RREB1: variants seen among roughly 807,000 people sequenced by gnomAD.
RREB1 encodes the protein ras-responsive element-binding protein 1.
A neutral mutation model predicts 117.8 loss-of-function variants in RREB1; 27 were observed. The ratio of observed to expected loss-of-function variants is 0.23; its 90% CI spans 0.17 to 0.32. RREB1 has a LOEUF of 0.32. RREB1 is among the 10% of genes least tolerant of loss of function. The pLI, the probability that RREB1 is intolerant of heterozygous loss-of-function variation, is 1.00. For missense variants in RREB1, 2,577 were observed against 2,378.2 expected (o/e 1.08, Z -1.74); for synonymous variants, 1,298 against 1,026.7 (o/e 1.26, Z -5.05).
At chr6:7,191,058 A>G (rs1036875763) in intron 6 of RREB1, among the ~76,000 whole-genome samples, 1 of 152,190 alleles carries the variant, frequency 6.6e-6, no homozygotes, top group African/African-American at 2.4e-5. Flanking sequence ...GACATTTTCT[A>G]TTTTGAGACA....
rs759719996 is a variant in RREB1 at position 7,230,539 on chromosome 6, C to G, written c.2440C>G (p.Leu814Val). 3 of 1,597,292 alleles carry G rather than the reference C, an allele frequency of 1.9e-6. No homozygotes were observed. The highest frequency in any genetic ancestry group is 1.3e-5 in the African/African-American group (1 of 74,804). Residue 814 changes from leucine to valine, a missense_variant, in exon 10 of 13, where the codon CTG becomes GTG. Transcript: ENST00000379938. ...CATCCACCACATCCTCAAGCAGCACCTGCACGTGCCCGAGCAGGACATCGA... is the reference window on the plus strand; with the variant it reads ...CATCCACCACATCCTCAAGCAGCACGTGCACGTGCCCGAGCAGGACATCGA... ...NCIHHILKQH[L>V]HVPEQDIESY...
rs1352889740 is a variant in RREB1, at chr6:7,246,844, G to A, written c.4394G>A (p.Arg1465His). ...TTCAAGTTCCTGGGCACCCTGAGCC[G>A]CCACCGGAAGGCGCACGGCCGCCAG... ...KSFKFLGTLSRHRKAHGRQEP... is the reference protein window; with the variant it reads ...KSFKFLGTLSHHRKAHGRQEP... Residue 1465 changes from arginine to histidine, a missense_variant, in exon 12 of 13, where the codon CGC becomes CAC. Physicochemically the swap from Arg to His is conservative, Grantham distance 29. Coordinates refer to ENST00000379938, the MANE Select transcript of RREB1 (RefSeq NM_001003699.4). 3 of 1,553,108 alleles carry A rather than the reference G, an allele frequency of 1.9e-6. No individual in the cohort carries two copies. The highest frequency in any genetic ancestry group is 1.4e-5 in the African/African-American group (1 of 73,336).
At chr6:7,118,801 A>ATTTTTTTTT (rs70978942) in intron 1 of RREB1, among the ~76,000 whole-genome samples, 1 of 47,054 alleles carries the variant, frequency 2.1e-5, no homozygotes, top group Non-Finnish European at 3.6e-5. Context: ...GTTTTTTTTA[A>ATTTTTTTTT]TTTTTTTTTT....
chr6:7,141,457 G>C (rs1762585161), intron 1 of RREB1, among the ~76,000 whole-genome samples: 1 of 152,068 alleles, frequency 6.6e-6, no homozygotes, highest in Non-Finnish European at 1.5e-5. Context: ...AGTGTGCTTG[G>C]AGCGAACCCG....
chr6:7,201,210 T>C (rs1765958114), intron 6 of RREB1, among the ~76,000 whole-genome samples: 1 of 152,188 alleles, frequency 6.6e-6, no homozygotes, highest in South Asian at 2.1e-4. Context: ...GAACAGGTCC[T>C]GAGTGTGTGT....
intron 6 of RREB1, among the ~76,000 whole-genome samples, chr6:7,194,105 C>T (rs183453404): frequency 6.6e-6 from 1 of 152,282 alleles, no homozygotes; most frequent in African/African-American, 2.4e-5. Context: ...GCCATTTTGA[C>T]TGAATTTTAT....
chr6:7,211,484 G>A, intron 7 of RREB1, 89 bp from the exon 8 acceptor site: 3 of 1,213,128 alleles, frequency 2.5e-6, no homozygotes, highest in South Asian at 1.3e-5. Flanking sequence ...TTTTATTATT[G>A]TAAATCTCTG....
At chr6:7,227,991 C>T (rs1263002117) in intron 9 of RREB1, among the ~76,000 whole-genome samples, 3 of 152,148 alleles carry the variant, frequency 2.0e-5, no homozygotes, top group African/African-American at 7.2e-5. Context: ...CTCTTGAACC[C>T]GGGAGGTGGA....
chr6:7,128,571 G>A (rs1762028802), intron 1 of RREB1, among the ~76,000 whole-genome samples: 1 of 152,206 alleles, frequency 6.6e-6, no homozygotes, highest in Non-Finnish European at 1.5e-5. Context: ...CATGCAGCCA[G>A]TGACACATGA....
intron 8 of RREB1, chr6:7,214,029 G>A (rs1221617791): frequency 2.0e-5 from 3 of 152,426 alleles, no homozygotes; most frequent in Non-Finnish European, 4.4e-5. Flanking sequence ...GAGGGACGAG[G>A]TTCTCCTGGA....
chr6:7,230,231 A>G lies in RREB1; in HGVS notation c.2132A>G (p.Lys711Arg). 1.2e-6 allele frequency: 2 copies of G among 1,603,978 alleles called. No individual in the cohort carries two copies. Among genetic ancestry groups the G allele is most frequent in the East Asian group, 2.2e-5 (1 of 44,842 alleles). The change falls in exon 10 of 13, where the codon AAA (lysine) becomes AGA (arginine). Residue 711 changes from lysine to arginine, a missense_variant. Coordinates refer to ENST00000379938, the MANE Select transcript of RREB1 (RefSeq NM_001003699.4). ...ATCTGCCACTACCCCTTCACTGTCAAAGCCAACTGCGAGCGGCACCTGCGC... is the reference window on the plus strand; with the variant it reads ...ATCTGCCACTACCCCTTCACTGTCAGAGCCAACTGCGAGCGGCACCTGCGC... ...CKICHYPFTV[K>R]ANCERHLRKK...
rs769736395 is a variant in RREB1 at position 7,230,700 on chromosome 6, C to A, written c.2601C>A (p.Asn867Lys). The change falls in exon 10 of 13, where the codon AAC (asparagine) becomes AAA (lysine). Residue 867 changes from asparagine (N) to lysine (K), a missense_variant. Coordinates refer to ENST00000379938, the MANE Select transcript of RREB1 (RefSeq NM_001003699.4). ...TCACTGCCTTCCTGGAACCCCAGAA[C>A]GGCTTTCTTCACAGGGGCCCCACCC... ...KPLTAFLEPQ[N>K]GFLHRGPTQP... The A allele has an allele frequency of 6.3e-7, 1 of 1,593,406 alleles. No individual in the cohort carries two copies. Among genetic ancestry groups the A allele is most frequent in the Non-Finnish European group, 8.6e-7 (1 of 1,169,016 alleles).
intron 1 of RREB1, among the ~76,000 whole-genome samples, chr6:7,161,197 G>A (rs1763644022): frequency 6.6e-6 from 1 of 152,062 alleles, no homozygotes; most frequent in Non-Finnish European, 1.5e-5. Context: ...GGGCAGGGTG[G>A]GGATGACTCA....
intron 7 of RREB1, 137 bp downstream of exon 7, chr6:7,211,085 C>A: frequency 1.2e-6 from 1 of 846,686 alleles, no homozygotes; most frequent in Non-Finnish European, 1.8e-6. Context: ...CATACTGTTT[C>A]TGTAAAGTGT....
intron 1 of RREB1, among the ~76,000 whole-genome samples, chr6:7,126,809 A>G (rs1452959974): frequency 5.3e-5 from 8 of 152,180 alleles, no homozygotes; most frequent in African/African-American, 1.9e-4. Context: ...CCGTTTCTTG[A>G]CACTTGCCCT....
chr6:7,171,939 C>T (rs1764231493), intron 1 of RREB1, among the ~76,000 whole-genome samples: 2 of 151,850 alleles, frequency 1.3e-5, no homozygotes, highest in Middle Eastern at 3.4e-3. Flanking sequence ...AAGAGCCTGA[C>T]CATTAGTCTT....
At chr6:7,179,248 C>T (rs550152271) in intron 2 of RREB1, among the ~76,000 whole-genome samples, 196 of 152,260 alleles carry the variant, frequency 1.3e-3, no homozygotes, top group Non-Finnish European at 2.1e-3. Flanking sequence ...ATTTTTCTTT[C>T]CTTTTTCTAC....
At chr6:7,155,911 A>G (rs1763341337) in intron 1 of RREB1, among the ~76,000 whole-genome samples, 2 of 152,172 alleles carry the variant, frequency 1.3e-5, no homozygotes, top group Admixed American at 1.3e-4. Flanking sequence ...GCAGACTAGA[A>G]CTGAGACAGC....
At chr6:7,152,849 A>G (rs1763184604) in intron 1 of RREB1, among the ~76,000 whole-genome samples, 1 of 152,242 alleles carries the variant, frequency 6.6e-6, no homozygotes, top group Admixed American at 6.5e-5. Flanking sequence ...TTCTAGCAGG[A>G]AATTCCACCA....
Sources: allele counts gnomAD v4.1 joint callset (sites outside exome capture counted in the v4.1 genomes callset), GRCh38; gene constraint gnomAD v4.1.1; transcripts MANE v1.5; gene names NCBI Gene and HGNC (gene_info 2026-07-23, HGNC 2026-07-21).